RIN2: variants seen among roughly 807,000 people sequenced by gnomAD.
The protein encoded by RIN2 is RAB5 interacting protein 2.
A neutral mutation model predicts 78.0 loss-of-function variants in RIN2; 36 were observed. That is an observed-to-expected ratio of 0.46 (90% CI 0.35 to 0.61). RIN2 has a LOEUF of 0.61. Ranked by LOEUF, RIN2 falls within the 20% of genes least tolerant of loss-of-function variation. The probability of loss-of-function intolerance (pLI) is 0.00; values close to 1 mark genes in which losing one functional copy is unlikely to be tolerated. For synonymous variants in RIN2, 466 were observed against 466.8 expected (o/e 1.00, Z 0.02); for missense variants, 1,087 against 1,159.7 (o/e 0.94, Z 0.91).
chr20:19,815,620 T>A (rs1237798085), intron 2 of RIN2, among the ~76,000 whole-genome samples: 1 of 152,196 alleles, frequency 6.6e-6, no homozygotes, highest in Non-Finnish European at 1.5e-5. Flanking sequence ...TGCGTGCATG[T>A]GTGTGGTTTT....
intron 1 of RIN2, among the ~76,000 whole-genome samples, chr20:19,788,321 G>A (rs1484333885): frequency 4.6e-5 from 7 of 151,740 alleles, no homozygotes; most frequent in Non-Finnish European, 7.4e-5. Context: ...TTGGCCAGGT[G>A]CATTGCCTCA....
intron 2 of RIN2, among the ~76,000 whole-genome samples, chr20:19,834,475 C>T (rs1371170088): frequency 6.6e-6 from 1 of 152,134 alleles, no homozygotes; most frequent in Non-Finnish European, 1.5e-5. Context: ...TTCAGCCCCA[C>T]AGCTGCAACC....
At chr20:19,863,319 T>TGAAACC (rs2037403227) in intron 2 of RIN2, among the ~76,000 whole-genome samples, 1 of 152,212 alleles carries the variant, frequency 6.6e-6, no homozygotes, top group Non-Finnish European at 1.5e-5. Flanking sequence ...GTGCGTTACA[T>TGAAACC]GAAACCATGT....
chr20:19,858,946 G>A (rs1003661692), intron 2 of RIN2, among the ~76,000 whole-genome samples: 1 of 152,194 alleles, frequency 6.6e-6, no homozygotes, highest in Non-Finnish European at 1.5e-5. Context: ...TGCAAACACG[G>A]TGGAGGACAG....
At chr20:19,981,687 A>G (rs2042458551) in intron 9 of RIN2, among the ~76,000 whole-genome samples, 1 of 152,254 alleles carries the variant, frequency 6.6e-6, no homozygotes, top group South Asian at 2.1e-4. Context: ...AAATGAGCAG[A>G]AACTGAAGTG....
chr20:19,836,983 G>A (rs4814907), intron 2 of RIN2, among the ~76,000 whole-genome samples: 98,291 of 152,002 alleles, frequency 0.65, 33,035 homozygotes, highest in East Asian at 0.85. Flanking sequence ...TGGCCACTGC[G>A]CCATTGTATT....
intron 1 of RIN2, among the ~76,000 whole-genome samples, chr20:19,794,532 CAAAAAAA>C (rs10530809): frequency 6.8e-5 from 6 of 88,592 alleles, no homozygotes; most frequent in Admixed American, 6.5e-4. Flanking sequence ...ACCCTGTATC[CAAAAAAA>C]AAAAAAAAAA....
chr20:19,810,878 GTTTTTT>G (rs71198025), intron 2 of RIN2, among the ~76,000 whole-genome samples: 46 of 135,444 alleles, frequency 3.4e-4, no homozygotes, highest in African/African-American at 1.2e-3. Context: ...GTGTGTGTGT[GTTTTTT>G]TTTTTTTTAG....
chr20:19,843,449 T>A (rs59961811), intron 2 of RIN2, among the ~76,000 whole-genome samples: 3,031 of 152,284 alleles, frequency 0.02, 103 homozygotes, highest in African/African-American at 0.068. Context: ...CCAGCAGCCA[T>A]CAACATCAAG....
intron 2 of RIN2, among the ~76,000 whole-genome samples, chr20:19,852,881 C>T (rs535091745): frequency 6.6e-6 from 1 of 151,556 alleles, no homozygotes; most frequent in African/African-American, 2.4e-5. Context: ...CATTTGCCAT[C>T]CTTTTTTTTT....
At chr20:19,936,190 T>G (rs2040636253) in intron 4 of RIN2, among the ~76,000 whole-genome samples, 1 of 152,150 alleles carries the variant, frequency 6.6e-6, no homozygotes, top group South Asian at 2.1e-4. Context: ...CACCCTTAAT[T>G]CTCTGTGCCT....
intron 3 of RIN2, 105 bp from the exon 4 acceptor site, chr20:19,934,994 A>T: frequency 1.5e-6 from 1 of 674,864 alleles, no homozygotes; most frequent in Non-Finnish European, 2.5e-6. Flanking sequence ...AAATAGAAAA[A>T]GATGGTCATC....
At chr20:19,818,600 T>C (rs895573224) in intron 2 of RIN2, among the ~76,000 whole-genome samples, 15 of 151,924 alleles carry the variant, frequency 9.9e-5, no homozygotes, top group Middle Eastern at 3.4e-3. Flanking sequence ...GGCATGGTGG[T>C]GCATGCCTGT....
At chr20:19,937,016 A>G (rs1279550836) in intron 4 of RIN2, among the ~76,000 whole-genome samples, 1 of 152,218 alleles carries the variant, frequency 6.6e-6, no homozygotes, top group East Asian at 1.9e-4. Context: ...TCTTCCTAGC[A>G]CTTCCAGGAG....
At chr20:19,973,133 T>C (rs2042158715) in intron 8 of RIN2, among the ~76,000 whole-genome samples, 1 of 152,242 alleles carries the variant, frequency 6.6e-6, no homozygotes, top group South Asian at 2.1e-4. Flanking sequence ...AAAAGGTAGA[T>C]TCTCATAACC....
chr20:19,925,946 CTA>C lies in RIN2; in HGVS notation c.58-9152_58-9151del, dbSNP rs528559714. 3.5e-3 allele frequency among the ~76,000 whole-genome samples: 527 copies of C among 152,322 alleles called. 2 individuals are homozygous for C. Among genetic ancestry groups the C allele is most frequent in the African/African-American group, 0.011 (468 of 41,578 alleles). Reference sequence around the variant, plus strand: ...TGTGATAGCAAAACTCTGGAAACAACTAAGCCTCTATCAAAATAGAATGGATA... The same window carrying C: ...TGTGATAGCAAAACTCTGGAAACAACAGCCTCTATCAAAATAGAATGGATA... On this transcript the variant is annotated intron_variant, in intron 3 of 12. Transcript: ENST00000255006.
intron 2 of RIN2, among the ~76,000 whole-genome samples, chr20:19,857,655 C>T (rs1281827603): frequency 6.6e-6 from 1 of 151,924 alleles, no homozygotes; most frequent in Non-Finnish European, 1.5e-5. Flanking sequence ...TTACTTATTC[C>T]AGAGGGTGCA....
intron 3 of RIN2, among the ~76,000 whole-genome samples, chr20:19,892,752 G>A (rs911003409): frequency 6.6e-6 from 1 of 152,196 alleles, no homozygotes; most frequent in Admixed American, 6.5e-5. Context: ...ATATTCACAT[G>A]TAGTTCTCTG....
chr20:19,942,576 T>C (rs1408704646), intron 4 of RIN2, among the ~76,000 whole-genome samples: 3 of 152,194 alleles, frequency 2.0e-5, no homozygotes, highest in Non-Finnish European at 4.4e-5. Context: ...AGAATCATTT[T>C]TGATTGTTTG....
Sources: allele counts gnomAD v4.1 joint callset (sites outside exome capture counted in the v4.1 genomes callset), GRCh38; gene constraint gnomAD v4.1.1; transcripts MANE v1.5; gene names NCBI Gene and HGNC (gene_info 2026-07-23, HGNC 2026-07-21).